Variants in FASN observed in about 807,000 individuals in gnomAD.
FASN encodes the protein 3-hydroxyacyl-[acyl-carrier-protein] dehydratase.
FASN carries 50 observed loss-of-function variants against 250.0 expected under a neutral mutation model. That is an observed-to-expected ratio of 0.20 (90% CI 0.16 to 0.25). FASN has a LOEUF of 0.25. Among genes scored for constraint, FASN ranks in the 10% least tolerant of loss-of-function variants. The pLI, the probability that FASN is intolerant of heterozygous loss-of-function variation, is 1.00. For synonymous variants in FASN, 1,909 were observed against 1,584.0 expected (o/e 1.21, Z -4.87); for missense variants, 3,031 against 3,498.5 (o/e 0.87, Z 3.37).
At chr17:82,081,890 G>C (rs775433346) in intron 36 of FASN, 47 bp from the exon 37 acceptor site, 2 of 471,008 alleles carry the variant, frequency 4.2e-6, no homozygotes, top group Non-Finnish European at 3.4e-6. Flanking sequence ...AGGTCGGGGT[G>C]GGGAGTGGCC....
chr17:82,085,494 G>T lies in FASN; in HGVS notation c.4110C>A (p.Gly1370=). The change falls in exon 23 of 43, where the codon GGC becomes GGA. Residue 1370 remains glycine, a synonymous_variant. Coordinates refer to ENST00000306749, the MANE Select transcript of FASN (RefSeq NM_004104.5). ...LTSTEPQYGQ[G]ILSQDAWESL... is the part of the protein sequence containing the mutation. ...CCGGCGGCCGCACCTGGCTCAGGAT[G>T]CCCTGGCCATACTGCGGCTCAGTGG... 6.3e-7 allele frequency: 1 copy of T among 1,593,234 alleles called. No individual in the cohort carries two copies. The highest frequency in any genetic ancestry group is 8.5e-7 in the Non-Finnish European group (1 of 1,170,728).
Position 82,083,541 on chromosome 17 carries a change from C to A in FASN, c.5317G>T (p.Asp1773Tyr). ...CCGAGCGGGTGGTTCTGAGAAAGGT[C>A]GAATTTGCCAATTTCCAGGAAGCGA... The part of the protein sequence containing the change: ...HGRFLEIGKF[D>Y]LSQNHPLGMA... The change falls in exon 31 of 43, where the codon GAC (aspartate) becomes TAC (tyrosine). Residue 1773 changes from aspartate (D) to tyrosine (Y), a missense_variant. Transcript: ENST00000306749. 1.2e-6 allele frequency: 2 copies of A among 1,612,830 alleles called. No individual in the cohort carries two copies. Among genetic ancestry groups the A allele is most frequent in the South Asian group, 2.2e-5 (2 of 91,062 alleles).
intron 1 of FASN, among the ~76,000 whole-genome samples, chr17:82,097,720 C>A (rs999776353): frequency 1.3e-5 from 2 of 152,072 alleles, no homozygotes; most frequent in African/African-American, 2.4e-5. Flanking sequence ...TGCGCCCCCC[C>A]GTTCCTCCCT....
chr17:82,090,609 C>G, intron 10 of FASN, 45 bp from the exon 11 acceptor site: 2 of 1,565,070 alleles, frequency 1.3e-6, no homozygotes, highest in Non-Finnish European at 1.7e-6. Context: ...CCAGCAGGTG[C>G]AGCTGTTGGG....
At chr17:82,081,118 TGGGGAGGCCC>T (rs1568104805) in intron 38 of FASN, 36 bp downstream of exon 38, 3 of 1,540,704 alleles carry the variant, frequency 1.9e-6, no homozygotes, top group East Asian at 2.4e-5. Flanking sequence ...GAGGAAGGGC[TGGGGAGGCCC>T]GGGGACCCCA....
rs559153593 is a variant in FASN, at chr17:82,083,272, T to C, written c.5495A>G (p.His1832Arg). The C allele has an allele frequency of 1.4e-4, 228 of 1,612,520 alleles. No individual in the cohort carries two copies. Among genetic ancestry groups the C allele is most frequent in the Admixed American group, 4.2e-4 (25 of 59,972 alleles). ...GAAGGCGTCCTCCACCTGGGCCCCA[T>C]GGAACACCGTGCACTTGAGGGGCCG... Reference protein sequence around the residue: ...VVRPLKCTVFHGAQVEDAFRY... With the variant: ...VVRPLKCTVFRGAQVEDAFRY... The change falls in exon 32 of 43, where the codon CAT (histidine) becomes CGT (arginine). Residue 1832 changes from histidine (H) to arginine (R), a missense_variant. By Grantham distance (29) the His-to-Arg change is conservative. Transcript: ENST00000306749.
At chr17:82,095,835 T>G (rs1394531842) in intron 2 of FASN, among the ~76,000 whole-genome samples, 2 of 152,122 alleles carry the variant, frequency 1.3e-5, no homozygotes, top group Non-Finnish European at 2.9e-5. Context: ...AAGAGCCTAC[T>G]GGGTGTGGGG....
chr17:82,087,144 C>A lies in FASN; in HGVS notation c.3333G>T (p.Val1111=). The change falls in exon 21 of 43, where the codon GTG becomes GTT. Residue 1111 remains valine (V), a synonymous_variant. Coordinates refer to ENST00000306749, the MANE Select transcript of FASN (RefSeq NM_004104.5). ...SAPRRQQEQQ[V]PILEKFCFTP... ...TGAAGCAAAACTTCTCCAGGATGGG[C>A]ACCTGCTGCTCCTGCTGCCGCCGCG... is the stretch of plus-strand genomic sequence containing the variant. 1.9e-6 allele frequency: 3 copies of A among 1,611,718 alleles called. No homozygotes were observed. Among genetic ancestry groups the A allele is most frequent in the Non-Finnish European group, 2.5e-6 (3 of 1,179,704 alleles).
At position 82,092,742 on chromosome 17, in the gene FASN, G is replaced by T. The variant is rs2034233910; in HGVS notation, c.849C>A (p.Ala283=). The T allele has an allele frequency of 6.2e-7, 1 of 1,604,900 alleles. No individual in the cohort carries two copies. Among genetic ancestry groups the T allele is most frequent in the African/African-American group, 1.3e-5 (1 of 74,864 alleles). The change falls in exon 7 of 43, where the codon GCC becomes GCA. Residue 283 remains alanine (A), a synonymous_variant. Coordinates refer to ENST00000306749, the MANE Select transcript of FASN (RefSeq NM_004104.5). Reference sequence around the variant, plus strand: ...CTTCGATGTATTCAAATGACTCAGGGGCCACTCCGGCCGACTGGTACAACG... The same window carrying T: ...CTTCGATGTATTCAAATGACTCAGGTGCCACTCCGGCCGACTGGTACAACG... ...IRSLYQSAGV[A]PESFEYIEAH...
rs201439543 is a variant in FASN, at chr17:82,089,098, G to C, written c.2175C>G (p.Ser725Arg). The C allele has an allele frequency of 3.2e-6, 5 of 1,572,294 alleles. No individual in the cohort carries two copies. The highest frequency in any genetic ancestry group is 1.4e-5 in the African/African-American group (1 of 73,568). The change falls in exon 14 of 43, where the codon AGC becomes AGG. Residue 725 changes from serine to arginine, a missense_variant. Ser to Arg is a moderately radical substitution (Grantham distance 110). Coordinates refer to ENST00000306749, the MANE Select transcript of FASN (RefSeq NM_004104.5). ...TSIPEAQWHSSLARTSSAEYN... is the reference protein window; with the variant it reads ...TSIPEAQWHSRLARTSSAEYN... The stretch of plus-strand genomic sequence containing the variant: ...ACTCGGCGGAGGACGTGCGTGCCAG[G>C]CTGCTGTGCCACTGGGCCTCGGGGA...
intron 12 of FASN, 55 bp downstream of exon 12, chr17:82,089,577 A>C: frequency 3.9e-6 from 6 of 1,550,430 alleles, no homozygotes; most frequent in Non-Finnish European, 5.3e-6. Flanking sequence ...TCCCTGCCAG[A>C]CTTGCAATGG....
At position 82,079,575 on chromosome 17, in the gene FASN, C is replaced by T. The variant is rs1322410829; in HGVS notation, c.7180G>A (p.Glu2394Lys). The T allele has an allele frequency of 1.2e-6, 2 of 1,604,108 alleles. No individual in the cohort carries two copies. Among genetic ancestry groups the T allele is most frequent in the Admixed American group, 1.7e-5 (1 of 60,014 alleles). The change falls in exon 42 of 43, where the codon GAG becomes AAG. Residue 2394 changes from glutamate to lysine, a missense_variant. Transcript: ENST00000306749. ...LEALLPLKGL[E>K]ERVAAAVDLI... ...TCCACGGCGGCTGCCACACGCTCCT[C>T]TAGGCCCTTCAGCGGCAGCAGCGCC...
chr17:82,092,509 G>A lies in FASN; in HGVS notation c.975C>T (p.Thr325=). ...TRQEPLLIGS[T]KSNMGHPEPA... Reference sequence around the variant, plus strand: ...GCTCCGGGTGCCCCATGTTGGACTTGGTGGAGCCGATGAGCAGCGGCTCCT... The same window carrying A: ...GCTCCGGGTGCCCCATGTTGGACTTAGTGGAGCCGATGAGCAGCGGCTCCT... The change falls in exon 8 of 43, where the codon ACC becomes ACT. Residue 325 remains threonine (T), a synonymous_variant. Coordinates refer to ENST00000306749, the MANE Select transcript of FASN (RefSeq NM_004104.5). 6.2e-7 allele frequency: 1 copy of A among 1,601,862 alleles called. No homozygotes were observed. Among genetic ancestry groups the A allele is most frequent in the Non-Finnish European group, 8.5e-7 (1 of 1,176,640 alleles).
At chr17:82,092,171 C>T (rs1464401977) in intron 8 of FASN, among the ~76,000 whole-genome samples, 1 of 152,192 alleles carries the variant, frequency 6.6e-6, no homozygotes, top group Non-Finnish European at 1.5e-5. Context: ...TCCTGCCTCG[C>T]TCTTCCCACC....
intron 30 of FASN, 63 bp from the exon 31 acceptor site, chr17:82,083,702 G>A: frequency 1.9e-6 from 3 of 1,606,130 alleles, no homozygotes; most frequent in Non-Finnish European, 2.5e-6. Flanking sequence ...CAGTCCAGAG[G>A]GCCAGACCCT....
In FASN at chr17:82,081,576, C is replaced by T. The variant is rs370353253; in HGVS notation, c.6406+25G>A. On this transcript the variant is annotated intron_variant, in intron 37 of 42. Transcript: ENST00000306749. ...TGATGCCAGCAGGGGAAACACCTGG[C>T]GCGGCTCCTACTGGGAGTGCTCACC... 368 of 1,610,646 alleles carry T rather than the reference C, an allele frequency of 2.3e-4. 2 individuals carry two copies. Among genetic ancestry groups the T allele is most frequent in the Non-Finnish European group, 1.0e-4 (118 of 1,179,958 alleles).
intron 8 of FASN, 66 bp from the exon 9 acceptor site, chr17:82,091,750 G>A: frequency 7.0e-7 from 1 of 1,423,190 alleles, no homozygotes; most frequent in Admixed American, 2.2e-5. Context: ...GCTGGGGGCA[G>A]GCACCTCCCC....
At chr17:82,082,463 T>C (rs1019016623) in intron 34 of FASN, 49 bp from the exon 35 acceptor site, 1 of 1,611,164 alleles carries the variant, frequency 6.2e-7, no homozygotes, top group Non-Finnish European at 8.5e-7. Context: ...GCCTCACCCG[T>C]CCACCCAGGG....
chr17:82,091,777 G>GA (rs2034214675), intron 8 of FASN, 93 bp from the exon 9 acceptor site: 1 of 1,206,688 alleles, frequency 8.3e-7, no homozygotes, highest in Admixed American at 2.4e-5. Flanking sequence ...CTCATGTGGG[G>GA]CCAGGGTTCC....
Sources: allele counts gnomAD v4.1 joint callset (sites outside exome capture counted in the v4.1 genomes callset), GRCh38; gene constraint gnomAD v4.1.1; transcripts MANE v1.5; gene names NCBI Gene and HGNC (gene_info 2026-07-23, HGNC 2026-07-21).